Variants in LPAR3 observed in about 807,000 individuals in gnomAD.
LPAR3 encodes the protein LPA receptor 3.
A neutral mutation model predicts 17.8 loss-of-function variants in LPAR3; 7 were observed. That is an observed-to-expected ratio of 0.39 (90% CI 0.22 to 0.74). The LOEUF is 0.74. Ranked by LOEUF, LPAR3 falls within the 30% of genes least tolerant of loss-of-function variation. The pLI is 0.40. For synonymous variants in LPAR3, 179 were observed against 179.9 expected (o/e 0.99, Z 0.04); for missense variants, 391 against 453.4 (o/e 0.86, Z 1.25).
intron 2 of LPAR3, among the ~76,000 whole-genome samples, chr1:84,815,455 TCAC>T (rs1266995976): frequency 6.6e-6 from 1 of 152,158 alleles, no homozygotes; most frequent in African/African-American, 2.4e-5. Flanking sequence ...ATAGATGATA[TCAC>T]CAACTACTCT....
intron 1 of LPAR3, among the ~76,000 whole-genome samples, chr1:84,885,455 G>A (rs1292428804): frequency 6.6e-6 from 1 of 152,204 alleles, no homozygotes; most frequent in Non-Finnish European, 1.5e-5. Flanking sequence ...AACTTTGGGG[G>A]AAGGCAATTT....
At chr1:84,884,758 A>G (rs1031205646) in intron 1 of LPAR3, among the ~76,000 whole-genome samples, 3 of 152,222 alleles carry the variant, frequency 2.0e-5, no homozygotes, top group Non-Finnish European at 4.4e-5. Flanking sequence ...TGAACTCAGA[A>G]AGACAAGTAA....
intron 2 of LPAR3, among the ~76,000 whole-genome samples, chr1:84,825,452 CCTAA>C (rs937519779): frequency 2.0e-5 from 3 of 152,150 alleles, no homozygotes; most frequent in Non-Finnish European, 4.4e-5. Flanking sequence ...GGGCACGCTG[CCTAA>C]CTGTCTTCAC....
intron 2 of LPAR3, among the ~76,000 whole-genome samples, chr1:84,823,669 T>A (rs1659098901): frequency 6.6e-6 from 1 of 152,178 alleles, no homozygotes; most frequent in African/African-American, 2.4e-5. Context: ...GACCTAATTC[T>A]AGTGTTTAAC....
chr1:84,851,459 C>A (rs1659710564), intron 2 of LPAR3, among the ~76,000 whole-genome samples: 1 of 152,216 alleles, frequency 6.6e-6, no homozygotes, highest in Non-Finnish European at 1.5e-5. Context: ...AACACACACA[C>A]ACAGTCCTGT....
In LPAR3 at chr1:84,865,963, G is replaced by A. The variant is rs567104072; in HGVS notation, c.158C>T (p.Ala53Val). The change falls in exon 2 of 3, where the codon GCG becomes GTG. Residue 53 changes from alanine to valine, a missense_variant. By Grantham distance (64) the Ala-to-Val change is moderately conservative. Coordinates refer to ENST00000370611, the MANE Select transcript of LPAR3 (RefSeq NM_012152.3). ...FIFFSNSLVIAAVIKNRKFHF... is the reference protein window; with the variant it reads ...FIFFSNSLVIVAVIKNRKFHF... Reference sequence around the variant, plus strand: ...AAATTTTCTGTTTTTGATCACTGCCGCGATGACCAGAGAATTAGAAAAAAA... The same window carrying A: ...AAATTTTCTGTTTTTGATCACTGCCACGATGACCAGAGAATTAGAAAAAAA... 24 of 1,613,996 alleles carry A rather than the reference G, an allele frequency of 1.5e-5. No homozygotes were observed. The highest frequency in any genetic ancestry group is 1.1e-4 in the East Asian group (5 of 44,882).
At chr1:84,881,644 C>T (rs1660366412) in intron 1 of LPAR3, among the ~76,000 whole-genome samples, 1 of 152,126 alleles carries the variant, frequency 6.6e-6, no homozygotes, top group African/African-American at 2.4e-5. Context: ...AAGAATGTCC[C>T]CCTGCCTGAG....
At chr1:84,852,330 C>T (rs945814768) in intron 2 of LPAR3, among the ~76,000 whole-genome samples, 2 of 152,074 alleles carry the variant, frequency 1.3e-5, no homozygotes, top group African/African-American at 4.8e-5. Flanking sequence ...CTGCCCTCCT[C>T]GGCCTCCCAA....
In LPAR3 at chr1:84,865,493, A is replaced by G. The variant is rs764464722; in HGVS notation, c.628T>C (p.Tyr210His). The stretch of plus-strand genomic sequence containing the variant: ...TTGGTTTTCCTCTTGACGTACACGT[A>G]GATCCGCAGGTACACCACAACCATG... ...LIMVVVYLRIYVYVKRKTNVL... is the reference protein window; with the variant it reads ...LIMVVVYLRIHVYVKRKTNVL... The change falls in exon 2 of 3, where the codon TAC becomes CAC. Residue 210 changes from tyrosine (Y) to histidine (H), a missense_variant. Transcript: ENST00000370611. The G allele has an allele frequency of 3.7e-5, 59 of 1,614,118 alleles. No homozygotes were observed. Among genetic ancestry groups the G allele is most frequent in the Non-Finnish European group, 4.7e-5 (56 of 1,180,058 alleles).
intron 1 of LPAR3, among the ~76,000 whole-genome samples, chr1:84,868,487 AAATATTTAAAGAGAAATACAGCTTT>A (rs1387187428): frequency 1.3e-5 from 2 of 152,170 alleles, no homozygotes; most frequent in African/African-American, 4.8e-5. Flanking sequence ...TACTCAATTT[AAATATTTAAAGAGAAATACAGCTTT>A]CAACCATGTT....
chr1:84,856,441 G>A lies in LPAR3; in HGVS notation c.736+8944C>T, dbSNP rs533576562. Among the ~76,000 whole-genome samples the A allele has an allele frequency of 8.5e-5, 13 of 152,300 alleles. 1 individual carries two copies. In the South Asian group the frequency reaches 2.7e-3, roughly 32 times the overall value. ...AGATATTTGATTACTAAGGCATGCA[G>A]GCAGTAAACATTGAAAGCAGGCTTC... On this transcript the variant is annotated intron_variant, in intron 2 of 2. Coordinates refer to ENST00000370611, the MANE Select transcript of LPAR3 (RefSeq NM_012152.3).
intron 2 of LPAR3, among the ~76,000 whole-genome samples, chr1:84,849,788 C>G (rs1659668043): frequency 6.6e-6 from 1 of 152,130 alleles, no homozygotes; most frequent in African/African-American, 2.4e-5. Context: ...TTCTCAAAAC[C>G]AAGGAGGCTG....
At chr1:84,829,872 A>T (rs1276217597) in intron 2 of LPAR3, among the ~76,000 whole-genome samples, 2 of 152,156 alleles carry the variant, frequency 1.3e-5, no homozygotes, top group African/African-American at 4.8e-5. Context: ...AGAGACAGCA[A>T]GGGAAGGAAA....
At chr1:84,889,717 A>G (rs927696655) in intron 1 of LPAR3, among the ~76,000 whole-genome samples, 1 of 152,092 alleles carries the variant, frequency 6.6e-6, no homozygotes, top group African/African-American at 2.4e-5. Flanking sequence ...CCCCCTTAGC[A>G]CTCAAAACAT....
chr1:84,872,706 G>T (rs1304199392), intron 1 of LPAR3, among the ~76,000 whole-genome samples: 3 of 152,176 alleles, frequency 2.0e-5, no homozygotes, highest in Non-Finnish European at 2.9e-5. Flanking sequence ...AGGAGGGGGA[G>T]CATAGCTCCT....
intron 2 of LPAR3, among the ~76,000 whole-genome samples, chr1:84,826,270 T>G (rs1304762616): frequency 2.0e-5 from 3 of 152,000 alleles, no homozygotes; most frequent in Admixed American, 2.0e-4. Context: ...CATTTCATCA[T>G]GCTAGTATTT....
intron 2 of LPAR3, among the ~76,000 whole-genome samples, chr1:84,847,675 T>A (rs1302835447): frequency 1.3e-5 from 2 of 152,196 alleles, no homozygotes; most frequent in African/African-American, 4.8e-5. Context: ...GTAGCCTGAA[T>A]GGTACTCTAG....
chr1:84,874,947 T>A (rs143671813), intron 1 of LPAR3, among the ~76,000 whole-genome samples: 1,674 of 150,730 alleles, frequency 0.011, 23 homozygotes, highest in African/African-American at 0.039. Flanking sequence ...TCACCCAGGC[T>A]GGAGTGCAGT....
intron 2 of LPAR3, among the ~76,000 whole-genome samples, chr1:84,834,369 C>A (rs1271436001): frequency 6.6e-6 from 1 of 152,148 alleles, no homozygotes; most frequent in Non-Finnish European, 1.5e-5. Context: ...CCTTTAAATA[C>A]TAATAAGAGT....
Sources: gnomAD v4.1 joint callset for allele counts (sites outside exome capture counted in the v4.1 genomes callset) on GRCh38, gnomAD v4.1.1 for gene constraint, MANE v1.5 for transcripts, NCBI Gene and HGNC (gene_info 2026-07-23, HGNC 2026-07-21) for gene names.